The following PNPLA1 variants were observed in gnomAD, a reference collection of about 807,000 sequenced individuals.
PNPLA1 encodes patatin like domain 1, omega-hydroxyceramide transacylase.
PNPLA1 carries 36 observed loss-of-function variants against 51.7 expected under a neutral mutation model. That is an observed-to-expected ratio of 0.70 (90% CI 0.53 to 0.92). PNPLA1 has a LOEUF of 0.92. PNPLA1 is among the 40% of genes least tolerant of loss of function. The pLI, the probability that PNPLA1 is intolerant of heterozygous loss-of-function variation, is 0.00. For missense variants in PNPLA1, 658 were observed against 682.5 expected (o/e 0.96, Z 0.40); for synonymous variants, 293 against 280.1 (o/e 1.05, Z -0.46).
chr6:36,299,811 C>T (rs551252094), intron 5 of PNPLA1, among the ~76,000 whole-genome samples: 1 of 152,286 alleles, frequency 6.6e-6, no homozygotes, highest in Admixed American at 6.5e-5. Flanking sequence ...ATTCGTTCCA[C>T]TCTTTTGTAC....
In PNPLA1 at chr6:36,301,517, A is replaced by G. The variant is rs1372944350; in HGVS notation, c.776-344A>G. 2.7e-5 allele frequency among the ~76,000 whole-genome samples: 4 copies of G among 149,842 alleles called. No individual in the cohort carries two copies. In the East Asian group the frequency reaches 5.9e-4, roughly 22 times the overall value. ...CTGTTCCCTCTGCTGAAACACCCTC[A>G]CCACCCCGCCCTGACCATCCTGGGC... On this transcript the variant is annotated intron_variant, in intron 5 of 8. Coordinates refer to ENST00000636260, the MANE Select transcript of PNPLA1 (RefSeq NM_001374623.1).
intron 2 of PNPLA1, among the ~76,000 whole-genome samples, chr6:36,292,542 C>T (rs1484169344): frequency 6.6e-6 from 1 of 152,200 alleles, no homozygotes; most frequent in Non-Finnish European, 1.5e-5. Context: ...CTGCTGAAAC[C>T]CAGTCCCTCC....
At chr6:36,276,750 G>A (rs555953712) in intron 1 of PNPLA1, among the ~76,000 whole-genome samples, 17 of 139,710 alleles carry the variant, frequency 1.2e-4, no homozygotes, top group Admixed American at 1.4e-4. Flanking sequence ...TTCTTCGTTC[G>A]TTCGTTCCTT....
In PNPLA1 at chr6:36,300,161, T is replaced by TTGTG. The variant is rs145503312; in HGVS notation, c.776-1685_776-1682dup. 2.5e-3 allele frequency among the ~76,000 whole-genome samples: 260 copies of TTGTG among 102,980 alleles called. 9 individuals are homozygous for TTGTG. In the South Asian group the frequency reaches 0.036, roughly 14 times the overall value. The allele number at this position is 102,980 out of a possible 152,430, so 67.6% of individuals were successfully genotyped here. A position where few individuals can be genotyped will look rare whatever the true frequency, so the allele number is the denominator to read the frequency against. ...ACAGTTTCTCAGACTTTTCTTATTC[T>TTGTG]TGTGTGTGTGTGTGTGTGAGAGAGA... On this transcript the variant is annotated intron_variant, in intron 5 of 8. Transcript: ENST00000636260.
rs993384556 is a variant in PNPLA1 at position 36,313,714 on chromosome 6, C to G, written c.*1828C>G. On this transcript the variant is annotated 3_prime_UTR_variant, in exon 9 of 9. Coordinates refer to ENST00000636260, the MANE Select transcript of PNPLA1 (RefSeq NM_001374623.1). ...GGGAGACTGACTAGAGAGGCCCGCC[C>G]GGCCGCAGGCCTTTCTTCCAGGAGT... 2.6e-5 allele frequency among the ~76,000 whole-genome samples: 4 copies of G among 152,224 alleles called. No homozygotes were observed. The highest frequency in any genetic ancestry group is 5.9e-5 in the Non-Finnish European group (4 of 68,044).
chr6:36,288,120 C>T lies in PNPLA1; in HGVS notation c.206-3200C>T, dbSNP rs539265575. On this transcript the variant is annotated intron_variant, in intron 1 of 8. Transcript: ENST00000636260. The stretch of plus-strand genomic sequence containing the variant: ...TAAGCATTATAAGACTTTAAATATG[C>T]GTGCCTTTGACCTAGCATCCTCACT... Among the ~76,000 whole-genome samples, 3 of 152,228 alleles carry T rather than the reference C, an allele frequency of 2.0e-5. No homozygotes were observed. In the South Asian group the frequency reaches 6.2e-4, roughly 32 times the overall value.
At chr6:36,246,123 G>A (rs549968224) in intron 1 of PNPLA1, among the ~76,000 whole-genome samples, 20 of 152,276 alleles carry the variant, frequency 1.3e-4, no homozygotes, top group African/African-American at 4.6e-4. Context: ...GAAACAGAGG[G>A]GTGAGGGCTG....
rs187108304 is a variant in PNPLA1, at chr6:36,289,696, A to T, written c.206-1624A>T. On this transcript the variant is annotated intron_variant, in intron 1 of 8. Transcript: ENST00000636260. ...GATCAGTCCAAGCCCCAGGGAAAGAAGGTGGGGTATGGAGTCAGAAAAATC... is the reference window on the plus strand; with the variant it reads ...GATCAGTCCAAGCCCCAGGGAAAGATGGTGGGGTATGGAGTCAGAAAAATC... Among the ~76,000 whole-genome samples, 227 of 152,266 alleles carry T rather than the reference A, an allele frequency of 1.5e-3. 5 individuals carry two copies. In the South Asian group the frequency reaches 0.036, roughly 24 times the overall value.
At chr6:36,282,088 A>AAGGAAG (rs1770312237) in intron 1 of PNPLA1, among the ~76,000 whole-genome samples, 21 of 98,910 alleles carry the variant, frequency 2.1e-4, no homozygotes, top group Non-Finnish European at 2.9e-4. Context: ...AAAGAAAGAA[A>AAGGAAG]GAAGGAAGGA....
At chr6:36,252,401 T>C (rs1769439474) in intron 1 of PNPLA1, among the ~76,000 whole-genome samples, 1 of 151,990 alleles carries the variant, frequency 6.6e-6, no homozygotes, top group Admixed American at 6.5e-5. Flanking sequence ...AGCAAGGAGA[T>C]GAGGCAGCCC....
intron 6 of PNPLA1, among the ~76,000 whole-genome samples, chr6:36,303,684 C>G (rs1018570432): frequency 6.6e-6 from 1 of 152,094 alleles, no homozygotes. Flanking sequence ...ACAAAAAAAT[C>G]AGCCAAACTT....
intron 1 of PNPLA1, among the ~76,000 whole-genome samples, chr6:36,280,910 C>T (rs1046321072): frequency 1.3e-5 from 2 of 152,202 alleles, no homozygotes; most frequent in African/African-American, 4.8e-5. Context: ...CTGCTTCAGC[C>T]TCCTGAGTAG....
chr6:36,278,689 ATTTCT>A (rs904662716), intron 1 of PNPLA1, among the ~76,000 whole-genome samples: 1 of 152,204 alleles, frequency 6.6e-6, no homozygotes, highest in Admixed American at 6.5e-5. Flanking sequence ...TCTTTCAGTA[ATTTCT>A]TTTAAAGTTT....
intron 1 of PNPLA1, among the ~76,000 whole-genome samples, chr6:36,281,151 T>C (rs1027461264): frequency 6.6e-6 from 1 of 152,212 alleles, no homozygotes; most frequent in Admixed American, 6.5e-5. Flanking sequence ...CTACTGGAGC[T>C]GGAAGTCTCT....
chr6:36,263,994 C>A (rs958922626), intron 1 of PNPLA1, among the ~76,000 whole-genome samples: 1 of 152,182 alleles, frequency 6.6e-6, no homozygotes, highest in African/African-American at 2.4e-5. Context: ...CGGAAAACAC[C>A]GTAAAGGCTC....
chr6:36,244,425 A>G (rs1278369109), intron 1 of PNPLA1, among the ~76,000 whole-genome samples: 1 of 151,100 alleles, frequency 6.6e-6, no homozygotes, highest in Non-Finnish European at 1.5e-5. Flanking sequence ...TTTTTAACTT[A>G]GTATTTCTTG....
At chr6:36,260,737 C>T (rs961800036) in intron 1 of PNPLA1, among the ~76,000 whole-genome samples, 5 of 152,188 alleles carry the variant, frequency 3.3e-5, no homozygotes, top group Admixed American at 1.3e-4. Flanking sequence ...ACAGATGAAT[C>T]CACATCAGGT....
Position 36,295,419 on chromosome 6 carries a change from G to T in PNPLA1, c.770G>T (p.Arg257Leu), listed in dbSNP as rs1173263480. 2 of 1,614,192 alleles carry T rather than the reference G, an allele frequency of 1.2e-6. No homozygotes were observed. The highest frequency in any genetic ancestry group is 1.7e-6 in the Non-Finnish European group (2 of 1,180,046). ...GYEDAVLYLR[R>L]LNAVYLNSSS... Reference sequence around the variant, plus strand: ...GAGGATGCAGTTTTGTACTTGAGGCGGCTGAGTAAGTACCGGTGGGGCCCC... The same window carrying T: ...GAGGATGCAGTTTTGTACTTGAGGCTGCTGAGTAAGTACCGGTGGGGCCCC... The change falls in exon 5 of 9, where the codon CGG becomes CTG. Residue 257 changes from arginine (R) to leucine (L), a missense_variant. Arg to Leu is a moderately radical substitution (Grantham distance 102). Transcript: ENST00000636260.
At chr6:36,305,477 A>G (rs555700355) in intron 6 of PNPLA1, among the ~76,000 whole-genome samples, 8 of 152,294 alleles carry the variant, frequency 5.3e-5, no homozygotes, top group Admixed American at 5.2e-4. Context: ...CTTCAGAAGA[A>G]CCCACATATA....
Sources: gnomAD v4.1 joint callset for allele counts (sites outside exome capture counted in the v4.1 genomes callset) on GRCh38, gnomAD v4.1.1 for gene constraint, MANE v1.5 for transcripts, NCBI Gene and HGNC (gene_info 2026-07-23, HGNC 2026-07-21) for gene names.